The following PELI2 variants were observed in gnomAD, a reference collection of about 807,000 sequenced individuals.
The protein encoded by PELI2 is pellino E3 ubiquitin protein ligase family member 2, also known as E3 ubiquitin-protein ligase pellino homolog 2.
PELI2 carries 23 observed loss-of-function variants against 42.3 expected under a neutral mutation model. That is an observed-to-expected ratio of 0.54 (90% CI 0.39 to 0.77). PELI2 has a LOEUF of 0.77. Among genes scored for constraint, PELI2 ranks in the 30% least tolerant of loss-of-function variants. The probability of loss-of-function intolerance (pLI) is 0.00; values close to 1 mark genes in which losing one functional copy is unlikely to be tolerated. For missense variants in PELI2, 463 were observed against 553.2 expected (o/e 0.84, Z 1.64); for synonymous variants, 245 against 212.2 (o/e 1.15, Z -1.34).
intron 1 of PELI2, among the ~76,000 whole-genome samples, chr14:56,154,480 T>G (rs1485435079): frequency 6.6e-6 from 1 of 152,100 alleles, no homozygotes; most frequent in Non-Finnish European, 1.5e-5. Flanking sequence ...AAGTGGCAGC[T>G]CCCCCCATTC....
At chr14:56,231,338 A>T (rs1326314080) in intron 2 of PELI2, among the ~76,000 whole-genome samples, 1 of 152,230 alleles carries the variant, frequency 6.6e-6, no homozygotes, top group Non-Finnish European at 1.5e-5. Context: ...CTTATTCCAA[A>T]ACTGACCACA....
intron 3 of PELI2, among the ~76,000 whole-genome samples, chr14:56,285,147 G>A (rs1889604589): frequency 1.3e-5 from 2 of 152,188 alleles, no homozygotes; most frequent in Admixed American, 1.3e-4. Context: ...ATGAAAACAG[G>A]GAGACCAGTT....
intron 2 of PELI2, among the ~76,000 whole-genome samples, chr14:56,185,187 C>T (rs1240483132): frequency 6.6e-6 from 1 of 152,058 alleles, no homozygotes; most frequent in Non-Finnish European, 1.5e-5. Flanking sequence ...CAAGAATTGG[C>T]TGTTACTAAC....
chr14:56,298,666 A>G lies in PELI2; in HGVS notation c.*1500A>G, dbSNP rs1476136434. On this transcript the variant is annotated 3_prime_UTR_variant, in exon 6 of 6. Transcript: ENST00000267460. ...TTGCCTACTGGCAAATATTTTGCCT[A>G]TTTTCAGTCGTTCTAACCTATTTGA... is the stretch of plus-strand genomic sequence containing the variant. The G allele has an allele frequency of 1.3e-5, 2 of 152,584 alleles. No homozygotes were observed. The highest frequency in any genetic ancestry group is 4.8e-5 in the African/African-American group (2 of 41,436). The allele number at this position is 152,584 out of a possible 1,614,324, so 9.5% of individuals were successfully genotyped here.
At chr14:56,209,306 G>A (rs1014302750) in intron 2 of PELI2, among the ~76,000 whole-genome samples, 3 of 152,134 alleles carry the variant, frequency 2.0e-5, no homozygotes, top group African/African-American at 7.2e-5. Flanking sequence ...CCACAGCAGC[G>A]TCTGCCATTT....
intron 2 of PELI2, among the ~76,000 whole-genome samples, chr14:56,274,102 T>C (rs1334422582): frequency 6.6e-6 from 1 of 152,164 alleles, no homozygotes; most frequent in Non-Finnish European, 1.5e-5. Flanking sequence ...TGGCCGAAAG[T>C]GGATACATTT....
intron 1 of PELI2, among the ~76,000 whole-genome samples, chr14:56,152,031 A>G (rs886910546): frequency 5.9e-5 from 9 of 152,190 alleles, no homozygotes; most frequent in African/African-American, 2.2e-4. Context: ...CTCACATAGT[A>G]GAAGCTGCCC....
intron 2 of PELI2, among the ~76,000 whole-genome samples, chr14:56,263,601 C>T (rs918129092): frequency 5.9e-5 from 9 of 152,090 alleles, no homozygotes; most frequent in Non-Finnish European, 1.3e-4. Flanking sequence ...CTAATATCCT[C>T]AGATTTTATA....
chr14:56,144,010 AT>A (rs2139608285), intron 1 of PELI2, among the ~76,000 whole-genome samples: 1 of 152,334 alleles, frequency 6.6e-6, no homozygotes, highest in African/African-American at 2.4e-5. Flanking sequence ...ATACTAGCAT[AT>A]GCTTGTATAT....
intron 2 of PELI2, among the ~76,000 whole-genome samples, chr14:56,232,500 A>G (rs36153329): frequency 0.4 from 61,069 of 151,738 alleles, 12,986 homozygotes; most frequent in South Asian, 0.53. Context: ...CAGAACCAGA[A>G]ACAAAAAGCA....
At chr14:56,185,652 T>C (rs922242280) in intron 2 of PELI2, among the ~76,000 whole-genome samples, 9 of 152,226 alleles carry the variant, frequency 5.9e-5, no homozygotes, top group African/African-American at 2.2e-4. Context: ...GTAGAAGAGT[T>C]GCTTCATTAT....
chr14:56,281,549 A>G (rs558411873), intron 3 of PELI2, among the ~76,000 whole-genome samples: 37 of 152,264 alleles, frequency 2.4e-4, no homozygotes, highest in African/African-American at 7.7e-4. Flanking sequence ...TGAGAAAGAA[A>G]GAATATTTTA....
Position 56,128,238 on chromosome 14 carries a change from G to A in PELI2, c.77+9501G>A, listed in dbSNP as rs190705737. ...GGTGGTGGAGCCTACATAAGGAAAT[G>A]CCCCCCAGGGGTACACAGTCTAAGG... is the stretch of plus-strand genomic sequence containing the variant. On this transcript the variant is annotated intron_variant, in intron 1 of 5. Coordinates refer to ENST00000267460, the MANE Select transcript of PELI2 (RefSeq NM_021255.3). 5.9e-3 allele frequency among the ~76,000 whole-genome samples: 903 copies of A among 152,224 alleles called. 8 individuals are homozygous for A. The highest frequency in any genetic ancestry group is 0.021 in the African/African-American group (874 of 41,530).
At chr14:56,216,422 T>C (rs1288187790) in intron 2 of PELI2, among the ~76,000 whole-genome samples, 1 of 152,252 alleles carries the variant, frequency 6.6e-6, no homozygotes, top group Admixed American at 6.5e-5. Context: ...AAGTGTGAGC[T>C]CCTGTTGTTG....
intron 1 of PELI2, among the ~76,000 whole-genome samples, chr14:56,154,579 G>A (rs1884480525): frequency 6.6e-6 from 1 of 152,242 alleles, no homozygotes; most frequent in Non-Finnish European, 1.5e-5. Context: ...TAGCCATGCG[G>A]AACTGAGTCA....
intron 1 of PELI2, among the ~76,000 whole-genome samples, chr14:56,138,562 C>T (rs757158403): frequency 6.6e-6 from 1 of 151,904 alleles, no homozygotes; most frequent in Non-Finnish European, 1.5e-5. Flanking sequence ...GGAATATTAT[C>T]GTTTTGACTT....
intron 2 of PELI2, among the ~76,000 whole-genome samples, chr14:56,233,816 G>A (rs1193875876): frequency 6.6e-6 from 1 of 152,146 alleles, no homozygotes; most frequent in Non-Finnish European, 1.5e-5. Context: ...GAGTGAACAG[G>A]CAACCTACAG....
chr14:56,140,271 C>A (rs933722593), intron 1 of PELI2, among the ~76,000 whole-genome samples: 55 of 152,208 alleles, frequency 3.6e-4, no homozygotes, highest in African/African-American at 1.2e-3. Flanking sequence ...TCCCAAAACA[C>A]AAGCAAATTC....
Position 56,220,201 on chromosome 14 carries a change from C to A in PELI2, c.207+41737C>A, listed in dbSNP as rs574633230. Among the ~76,000 whole-genome samples the A allele has an allele frequency of 2.6e-5, 4 of 152,232 alleles. No homozygotes were observed. In the South Asian group the frequency reaches 8.3e-4, roughly 32 times the overall value. ...GTGTGACAGAGCACTGTTGCCAGTG[C>A]CCAGGTGACTGCAGTGGGCCACACT... On this transcript the variant is annotated intron_variant, in intron 2 of 5. Transcript: ENST00000267460.
Sources: allele counts gnomAD v4.1 joint callset (sites outside exome capture counted in the v4.1 genomes callset), GRCh38; gene constraint gnomAD v4.1.1; transcripts MANE v1.5; gene names NCBI Gene and HGNC (gene_info 2026-07-23, HGNC 2026-07-21).